DCST2: variants seen among roughly 807,000 people sequenced by gnomAD.
DCST2 encodes the protein DC-STAMP domain containing 2.
DCST2 carries 64 observed loss-of-function variants against 81.8 expected under a neutral mutation model. The ratio of observed to expected loss-of-function variants is 0.78; its 90% CI spans 0.64 to 0.96. DCST2 has a LOEUF of 0.96. Among genes scored for constraint, DCST2 ranks in the 40% least tolerant of loss-of-function variants. The pLI is 0.00. For synonymous variants in DCST2, 354 were observed against 402.6 expected (o/e 0.88, Z 1.44); for missense variants, 945 against 1,001.4 (o/e 0.94, Z 0.76).
chr1:155,026,256 C>A (rs369383907), intron 10 of DCST2, 46 bp downstream of exon 10: 8 of 1,601,586 alleles, frequency 5.0e-6, no homozygotes, highest in Non-Finnish European at 6.8e-6. Context: ...TAGCTAAGCC[C>A]CCTGGGGAGG....
intron 2 of DCST2, 83 bp from the exon 3 acceptor site, chr1:155,032,851 A>G (rs1660139197): frequency 7.6e-7 from 1 of 1,310,416 alleles, no homozygotes; most frequent in South Asian, 1.2e-5. Flanking sequence ...CAGGGAGTAG[A>G]GAGGAGGCCA....
intron 3 of DCST2, 55 bp from the exon 4 acceptor site, chr1:155,031,826 A>G: frequency 6.4e-7 from 1 of 1,568,010 alleles, no homozygotes; most frequent in Admixed American, 1.8e-5. Context: ...GCCTCTTCTC[A>G]GGGTTTTGGG....
In DCST2 at chr1:155,030,087, G is replaced by C. The variant is rs368042911; in HGVS notation, c.1174C>G (p.Pro392Ala). 3.1e-6 allele frequency: 5 copies of C among 1,613,282 alleles called. No homozygotes were observed. The highest frequency in any genetic ancestry group is 2.2e-5 in the East Asian group (1 of 44,868). ...TCCCTGTCCTCAGGGCCCTCACCCG[G>C]TGGGATGTAGCGCCTGGCCTCGTGA... ...SAHEARRYIPPGSIFLSQWEK... is the reference protein window; with the variant it reads ...SAHEARRYIPAGSIFLSQWEK... Residue 392 changes from proline (P) to alanine (A), a missense_variant, in exon 7 of 15, where the codon CCG becomes GCG. Physicochemically the swap from Pro to Ala is conservative, Grantham distance 27. Transcript: ENST00000368424.
At position 155,031,661 on chromosome 1, in the gene DCST2, C is replaced by T. The variant is rs1344477900; in HGVS notation, c.652G>A (p.Asp218Asn). The T allele has an allele frequency of 6.2e-7, 1 of 1,614,172 alleles. No homozygotes were observed. The highest frequency in any genetic ancestry group is 8.5e-7 in the Non-Finnish European group (1 of 1,180,030). The change falls in exon 4 of 15, where the codon GAC becomes AAC. Residue 218 changes from aspartate to asparagine, a missense_variant. Asp to Asn is a conservative substitution (Grantham distance 23). Coordinates refer to ENST00000368424, the MANE Select transcript of DCST2 (RefSeq NM_144622.3). ...KCARVFDDAK[D>N]SCMMVIPQAY... ...TGTGGTATGACCATCATGCAGCTGTCCTTGGCATCATCGAAAACCCGTGCA... is the reference window on the plus strand; with the variant it reads ...TGTGGTATGACCATCATGCAGCTGTTCTTGGCATCATCGAAAACCCGTGCA...
At chr1:155,029,961 T>C (rs1660019277) in intron 7 of DCST2, 123 bp downstream of exon 7, 2 of 1,434,306 alleles carry the variant, frequency 1.4e-6, no homozygotes, top group South Asian at 2.7e-5. Context: ...GTCTCCTCCC[T>C]CTGGCCCCTG....
intron 14 of DCST2, among the ~76,000 whole-genome samples, chr1:155,018,995 G>GA (rs1659665005): frequency 1.3e-5 from 2 of 152,186 alleles, no homozygotes; most frequent in Non-Finnish European, 2.9e-5. Flanking sequence ...AGGAAGGGCA[G>GA]AATCACTAGT....
At chr1:155,026,199 G>A in intron 10 of DCST2, 103 bp downstream of exon 10, 1 of 1,047,916 alleles carries the variant, frequency 9.5e-7, no homozygotes, top group Non-Finnish European at 1.4e-6. Context: ...AGAGCGGGCT[G>A]GGGCTGCTGA....
chr1:155,032,990 G>A lies in DCST2; in HGVS notation c.439+104C>T, dbSNP rs1443713247. ...AGTCCCTTCCAGGCCCAGATGCTCC[G>A]CGATTAGCACCAGCAGAGAAGGAGG... On this transcript the variant is annotated intron_variant, in intron 2 of 14. Coordinates refer to ENST00000368424, the MANE Select transcript of DCST2 (RefSeq NM_144622.3). 10 of 1,326,946 alleles carry A rather than the reference G, an allele frequency of 7.5e-6. No homozygotes were observed. The South Asian group carries it at 7.6e-5, about 10-fold the overall frequency. The allele number at this position is 1,326,946 out of a possible 1,614,324, so 82.2% of individuals were successfully genotyped here. A position where few individuals can be genotyped will look rare whatever the true frequency, so the allele number is the denominator to read the frequency against.
At chr1:155,033,349 C>T (rs1302315253) in intron 1 of DCST2, 85 bp from the exon 2 acceptor site, 1 of 1,585,666 alleles carries the variant, frequency 6.3e-7, no homozygotes, top group Non-Finnish European at 8.6e-7. Flanking sequence ...GAATATTTCC[C>T]TTAACCCCTG....
chr1:155,024,875 G>A (rs976865843), intron 10 of DCST2, among the ~76,000 whole-genome samples: 3 of 151,814 alleles, frequency 2.0e-5, no homozygotes, highest in Admixed American at 1.3e-4. Flanking sequence ...CTGGCCGGGC[G>A]TTGTGGCTCA....
rs767773424 is a variant in DCST2, at chr1:155,031,714, G to A, written c.599C>T (p.Ser200Leu). The A allele has an allele frequency of 3.7e-6, 6 of 1,614,056 alleles. No homozygotes were observed. Among genetic ancestry groups the A allele is most frequent in the South Asian group, 3.3e-5 (3 of 91,080 alleles). The change falls in exon 4 of 15, where the codon TCG becomes TTG. Residue 200 changes from serine to leucine, a missense_variant. Physicochemically the swap from Ser to Leu is moderately radical, Grantham distance 145. Transcript: ENST00000368424. ...WLLHIGDVCN[S>L]ELGNPYLKCA... ...CTTCAGGTAAGGGTTGCCCAGTTCC[G>A]AGTTGCACACATCGCCGATGTGCAG...
At position 155,023,263 on chromosome 1, in the gene DCST2, G is replaced by A. The variant is rs530964337; in HGVS notation, c.1965-6C>T. ...CCTCCTCATCGCTGGAGTCCCTGGA[G>A]AAGACTCTCATCTCAGTGGCCTGCA... On this transcript the variant is annotated splice_region_variant and splice_polypyrimidine_tract_variant and intron_variant, in intron 13 of 14. Coordinates refer to ENST00000368424, the MANE Select transcript of DCST2 (RefSeq NM_144622.3). 24 of 1,614,082 alleles carry A rather than the reference G, an allele frequency of 1.5e-5. 1 individual carries two copies. The East Asian group carries it at 3.1e-4, about 21-fold the overall frequency.
intron 14 of DCST2, among the ~76,000 whole-genome samples, chr1:155,020,907 C>G (rs1659733981): frequency 6.6e-6 from 1 of 151,924 alleles, no homozygotes; most frequent in African/African-American, 2.4e-5. Flanking sequence ...ACCGCAGTCT[C>G]AGCCTCCCTG....
At position 155,033,681 on chromosome 1, in the gene DCST2, A is replaced by C; in HGVS notation, c.21T>G (p.Asp7Glu). 1.2e-6 allele frequency: 2 copies of C among 1,613,828 alleles called. No individual in the cohort carries two copies. The highest frequency in any genetic ancestry group is 1.7e-6 in the Non-Finnish European group (2 of 1,179,842). The part of the protein sequence containing the change: MPKVMK[D>E]VVHPLGGEEP... Reference sequence around the variant, plus strand: ...CCTCTCCCCCCAAGGGGTGCACAACATCCTTCATGACTTTGGGCATGGCTG... The same window carrying C: ...CCTCTCCCCCCAAGGGGTGCACAACCTCCTTCATGACTTTGGGCATGGCTG... Residue 7 changes from aspartate to glutamate, a missense_variant, in exon 1 of 15, where the codon GAT becomes GAG. By Grantham distance (45) the Asp-to-Glu change is conservative. Coordinates refer to ENST00000368424, the MANE Select transcript of DCST2 (RefSeq NM_144622.3).
Position 155,031,581 on chromosome 1 carries a change from A to C in DCST2, c.732T>G (p.Leu244=), listed in dbSNP as rs578090124. ...LMPFKLALCG[L]ASLVQVFCVI... is the part of the protein sequence containing the mutation. The stretch of plus-strand genomic sequence containing the variant: ...AGACCCTGGTTTTCTCACGGCTGGC[A>C]AGTCCACAGAGCGCCAGTTTGAAGG... Residue 244 remains leucine (L), a synonymous_variant, in exon 4 of 15, where the codon CTT becomes CTG. Transcript: ENST00000368424. 15 of 1,374,010 alleles carry C rather than the reference A, an allele frequency of 1.1e-5. No individual in the cohort carries two copies. The African/African-American group carries it at 1.7e-4, about 16-fold the overall frequency. 85.1% of individuals were successfully genotyped at this position (1,374,010 alleles called of 1,614,324 possible). A position where few individuals can be genotyped will look rare whatever the true frequency, so the allele number is the denominator to read the frequency against.
intron 12 of DCST2, 44 bp downstream of exon 12, chr1:155,023,788 G>A: frequency 6.2e-7 from 1 of 1,609,612 alleles, no homozygotes; most frequent in Non-Finnish European, 8.5e-7. Flanking sequence ...ATGCAAGTGG[G>A]GTAAGTCCGA....
In DCST2 at chr1:155,033,496, C is replaced by G; in HGVS notation, c.206G>C (p.Gly69Ala). 6.2e-7 allele frequency: 1 copy of G among 1,613,980 alleles called. No individual in the cohort carries two copies. The highest frequency in any genetic ancestry group is 8.5e-7 in the Non-Finnish European group (1 of 1,179,950). ...TCGGACCTGGCGAGAGAATCCCATG[C>G]CCAGGCTAAGGAAGGCAGCCAAAGT... ...TLTLAAFLSL[G>A]MGFSRQVRAT... Residue 69 changes from glycine (G) to alanine (A), a missense_variant, in exon 1 of 15, where the codon GGC becomes GCC. By Grantham distance (60) the Gly-to-Ala change is moderately conservative. Transcript: ENST00000368424.
Position 155,030,660 on chromosome 1 carries a change from T to G in DCST2, c.806-15A>C, listed in dbSNP as rs1571551211. ...CTGAATCACGGCTGGGGCCAGCAGGTTCAGGGGAGACGTGGGCAAGGAGAG... is the reference window on the plus strand; with the variant it reads ...CTGAATCACGGCTGGGGCCAGCAGGGTCAGGGGAGACGTGGGCAAGGAGAG... On this transcript the variant is annotated splice_polypyrimidine_tract_variant and intron_variant, in intron 5 of 14. Transcript: ENST00000368424. 6.2e-7 allele frequency: 1 copy of G among 1,613,414 alleles called. No homozygotes were observed. Among genetic ancestry groups the G allele is most frequent in the Non-Finnish European group, 8.5e-7 (1 of 1,179,770 alleles).
In DCST2 at chr1:155,018,774, G is replaced by A. The variant is rs376058040; in HGVS notation, c.2106-14C>T. The A allele has an allele frequency of 2.7e-3, 4,360 of 1,610,036 alleles. 13 individuals are homozygous for A. Among genetic ancestry groups the A allele is most frequent in the South Asian group, 3.1e-3 (284 of 90,864 alleles). On this transcript the variant is annotated splice_polypyrimidine_tract_variant and intron_variant, in intron 14 of 14. Transcript: ENST00000368424. ...TCATCCAGGTCACTAGTGAGGAGAGGAAGGGGGTGGCCGGATCACCCACCT... is the reference window on the plus strand; with the variant it reads ...TCATCCAGGTCACTAGTGAGGAGAGAAAGGGGGTGGCCGGATCACCCACCT...
Sources: allele counts gnomAD v4.1 joint callset (sites outside exome capture counted in the v4.1 genomes callset), GRCh38; gene constraint gnomAD v4.1.1; transcripts MANE v1.5; gene names NCBI Gene and HGNC (gene_info 2026-07-23, HGNC 2026-07-21).